LGALS8: variants seen among roughly 807,000 people sequenced by gnomAD.
The protein encoded by LGALS8 is galectin-8.
Under a neutral mutation model 35.9 loss-of-function variants are expected in LGALS8, and 30 were observed. The ratio of observed to expected loss-of-function variants is 0.83; its 90% confidence interval spans 0.62 to 1.13. The LOEUF (loss-of-function observed/expected upper bound fraction) is 1.13. LGALS8 is among the 50% of genes most tolerant of loss of function. The probability of loss-of-function intolerance (pLI) is 0.00; values close to 1 mark genes in which losing one functional copy is unlikely to be tolerated. For missense variants in LGALS8, 366 were observed against 388.7 expected (o/e 0.94, Z 0.49); for synonymous variants, 138 against 136.1 (o/e 1.01, Z -0.10).
upstream of LGALS8, among the ~76,000 whole-genome samples, chr1:236,520,973 T>C (rs1449094642): frequency 6.6e-6 from 1 of 152,204 alleles, no homozygotes; most frequent in Non-Finnish European, 1.5e-5. Context: ...AGCTTAAACT[T>C]TGACTCCTCT....
intron 2 of LGALS8, among the ~76,000 whole-genome samples, chr1:236,528,326 G>A (rs1182867908): frequency 6.7e-6 from 1 of 150,322 alleles, no homozygotes; most frequent in East Asian, 2.0e-4. Flanking sequence ...AGGTTGCAGT[G>A]AGCCGAGATG....
intron 9 of LGALS8, among the ~76,000 whole-genome samples, chr1:236,547,444 TATCAGG>T (rs1215891259): frequency 1.3e-5 from 2 of 152,148 alleles, no homozygotes; most frequent in Admixed American, 6.5e-5. Flanking sequence ...GTGCTGAGCT[TATCAGG>T]ATCAGGATCA....
Position 236,526,804 on chromosome 1 carries a change from C to A in LGALS8, c.45+689C>A, listed in dbSNP as rs1283088949. On this transcript the variant is annotated intron_variant, in intron 2 of 9. Coordinates refer to ENST00000366584, the MANE Select transcript of LGALS8 (RefSeq NM_201544.4). This position sits in a 1 kb window ranked among gnomAD's most constrained non-coding sequence, Gnocchi z 4.6. ...TTTTTAGTAAACCGCCTAGAAGATT[C>A]TTGGGCAAAAGGAAGGGTGAGAATC... Among the ~76,000 whole-genome samples, 1 of 152,144 alleles carries A rather than the reference C, an allele frequency of 6.6e-6. No individual in the cohort carries two copies. Among genetic ancestry groups the A allele is most frequent in the Admixed American group, 6.5e-5 (1 of 15,270 alleles).
At position 236,548,281 on chromosome 1, in the gene LGALS8, A is replaced by G; in HGVS notation, c.*120A>G. On this transcript the variant is annotated 3_prime_UTR_variant, in exon 10 of 10. Transcript: ENST00000366584. ...TATTGTTAAAATGAGCTTGTGCACC[A>G]TTAGGTCCTGCTGGGTGTTCTCAGT... is the stretch of plus-strand genomic sequence containing the variant. 1.0e-6 allele frequency: 1 copy of G among 964,732 alleles called. No individual in the cohort carries two copies. Among genetic ancestry groups the G allele is most frequent in the East Asian group, 2.6e-5 (1 of 37,886 alleles). The allele number at this position is 964,732 out of a possible 1,614,324, so 59.8% of individuals were successfully genotyped here. A position where few individuals can be genotyped will look rare whatever the true frequency, so the allele number is the denominator to read the frequency against.
At chr1:236,524,706 C>T in intron 1 of LGALS8, 1 of 312,482 alleles carries the variant, frequency 3.2e-6, no homozygotes, top group South Asian at 2.7e-5. Flanking sequence ...AAGCAGATGG[C>T]TTAAATTGGG....
Position 236,550,880 on chromosome 1 carries a change from G to C in LGALS8, c.*2719G>C, listed in dbSNP as rs185772456. ...AATATGAGTGTGAACTCTGAGTAGA[G>C]TATGAAACACCACAGAAAGTCTTAG... is the stretch of plus-strand genomic sequence containing the variant. On this transcript the variant is annotated 3_prime_UTR_variant, in exon 10 of 10. Transcript: ENST00000366584. 6.5e-7 allele frequency: 1 copy of C among 1,546,724 alleles called. No homozygotes were observed. Among genetic ancestry groups the C allele is most frequent in the Non-Finnish European group, 8.8e-7 (1 of 1,141,386 alleles).
Position 236,537,601 on chromosome 1 carries a change from T to TA in LGALS8, c.134+19dup, listed in dbSNP as rs1412942313. The stretch of plus-strand genomic sequence containing the variant: ...ACGCAGACAGGTAAAATCACTGTGC[T>TA]AAAGGAAGGAGCATGAATAGGCTGT... On this transcript the variant is annotated intron_variant, in intron 3 of 9. Coordinates refer to ENST00000366584, the MANE Select transcript of LGALS8 (RefSeq NM_201544.4). 2.6e-6 allele frequency: 4 copies of TA among 1,536,236 alleles called. No individual in the cohort carries two copies. The African/African-American group carries it at 4.1e-5, about 16-fold the overall frequency.
chr1:236,540,672 A>G lies in LGALS8; in HGVS notation c.454A>G (p.Ser152Gly), dbSNP rs1444899367. ...GKVNIHSIGF[S>G]FSSDLQSTQA... ...AGTGAATATTCACTCAATTGGTTTT[A>G]GCTTCAGCTCGGTGAGTGACCTTCC... The change falls in exon 5 of 10, where the codon AGC (serine) becomes GGC (glycine). Residue 152 changes from serine to glycine, a missense_variant. Coordinates refer to ENST00000366584, the MANE Select transcript of LGALS8 (RefSeq NM_201544.4). The G allele has an allele frequency of 5.6e-6, 9 of 1,608,894 alleles. No homozygotes were observed. Among genetic ancestry groups the G allele is most frequent in the African/African-American group, 2.7e-5 (2 of 74,706 alleles).
intron 2 of LGALS8, among the ~76,000 whole-genome samples, chr1:236,534,890 A>G (rs140582336): frequency 1.4e-3 from 208 of 151,974 alleles, no homozygotes; most frequent in African/African-American, 4.8e-3. Context: ...GCAAAACCCC[A>G]TCTCTCTAAA....
At chr1:236,540,365 AATCAGGAACTCAAAAG>A in intron 4 of LGALS8, 183 bp from the exon 5 acceptor site, 1 of 481,638 alleles carries the variant, frequency 2.1e-6, no homozygotes, top group Non-Finnish European at 3.6e-6. Flanking sequence ...TGCTTAATCA[AATCAGGAACTCAAAAG>A]AAGTTTGGAA....
At chr1:236,535,642 C>T (rs1661441972) in intron 2 of LGALS8, among the ~76,000 whole-genome samples, 2 of 152,206 alleles carry the variant, frequency 1.3e-5, no homozygotes. Flanking sequence ...GTAGGTCCTT[C>T]CCCATTCTCT....
At chr1:236,519,033 T>A (rs567355867), upstream of LGALS8, among the ~76,000 whole-genome samples, 188 of 152,206 alleles carry the variant, frequency 1.2e-3, 1 homozygote, top group Middle Eastern at 3.4e-3. Context: ...AAAATCATGA[T>A]TTTTTTACTA....
At position 236,525,979 on chromosome 1, in the gene LGALS8, C is replaced by T. The variant is rs932796084; in HGVS notation, c.-92C>T. 2.2e-6 allele frequency: 2 copies of T among 920,096 alleles called. No individual in the cohort carries two copies. Among genetic ancestry groups the T allele is most frequent in the African/African-American group, 3.3e-5 (2 of 61,102 alleles). 57.0% of individuals were successfully genotyped at this position (920,096 alleles called of 1,614,324 possible). ...TTTACTTTACACAGGGCCAGTGCCT[C>T]AGTTTCAATCCAGGTAACCTTTAAA... is the stretch of plus-strand genomic sequence containing the variant. On this transcript the variant is annotated 5_prime_UTR_variant, in exon 2 of 10. Coordinates refer to ENST00000366584, the MANE Select transcript of LGALS8 (RefSeq NM_201544.4).
At chr1:236,543,286 G>C in intron 7 of LGALS8, 1 of 636,786 alleles carries the variant, frequency 1.6e-6, no homozygotes, top group South Asian at 1.8e-5. Context: ...CCCAGGCACA[G>C]GGGGCCTTCC....
chr1:236,542,788 G>T lies in LGALS8; in HGVS notation c.549+1G>T, dbSNP rs766597502. 2 of 1,614,188 alleles carry T rather than the reference G, an allele frequency of 1.2e-6. No individual in the cohort carries two copies. Among genetic ancestry groups the T allele is most frequent in the South Asian group, 1.1e-5 (1 of 91,080 alleles). ...TCCAAAGTCTGGCACGCCCCAGCTTGTGAGTATTTTTGCCTGGGTTATTTC... is the reference window on the plus strand; with the variant it reads ...TCCAAAGTCTGGCACGCCCCAGCTTTTGAGTATTTTTGCCTGGGTTATTTC... On this transcript the variant is annotated splice_donor_variant, in intron 7 of 9. Coordinates refer to ENST00000366584, the MANE Select transcript of LGALS8 (RefSeq NM_201544.4). LOFTEE classifies it high-confidence loss of function.
chr1:236,536,107 A>G (rs900764302), intron 2 of LGALS8: 25 of 152,246 alleles, frequency 1.6e-4, no homozygotes, highest in African/African-American at 3.1e-4. Context: ...GAGCTTGAAG[A>G]AGGCTCCACA....
At chr1:236,536,206 T>G (rs1661491496) in intron 2 of LGALS8, 1 of 152,234 alleles carries the variant, frequency 6.6e-6, no homozygotes, top group South Asian at 2.1e-4. Context: ...ATTTCTTATT[T>G]CTTGACAATC....
chr1:236,524,807 G>C (rs1660725010), intron 1 of LGALS8: 1 of 200,298 alleles, frequency 5.0e-6, no homozygotes. Flanking sequence ...CACGGAGCCA[G>C]AGTTTTGAGG....
chr1:236,534,335 TGCA>T (rs1187975838), intron 2 of LGALS8, among the ~76,000 whole-genome samples: 1 of 152,228 alleles, frequency 6.6e-6, no homozygotes, highest in Non-Finnish European at 1.5e-5. Context: ...TAGAGAGCCT[TGCA>T]TTTAATCATC....
Sources: gnomAD v4.1 joint callset for allele counts (sites outside exome capture counted in the v4.1 genomes callset) on GRCh38, gnomAD v4.1.1 for gene constraint, Gnocchi (gnomAD v3.1) non-coding constraint, MANE v1.5 for transcripts, NCBI Gene and HGNC (gene_info 2026-07-23, HGNC 2026-07-21) for gene names.